The following NLGN1 variants were observed in gnomAD, a reference collection of about 807,000 sequenced individuals.
The protein encoded by NLGN1 is neuroligin-1.
In NLGN1, 12 loss-of-function variants were observed where a neutral mutation model predicts 65.5. The observed-to-expected ratio is 0.18, with a 90% CI of 0.12 to 0.30. NLGN1 has a LOEUF of 0.30. Among genes scored for constraint, NLGN1 ranks in the 10% least tolerant of loss-of-function variants. The pLI, the probability that NLGN1 is intolerant of heterozygous loss-of-function variation, is 1.00. For synonymous variants in NLGN1, 350 were observed against 359.5 expected (o/e 0.97, Z 0.30); for missense variants, 750 against 1,007.1 (o/e 0.74, Z 3.46).
intron 3 of NLGN1, 125 bp downstream of exon 3, chr3:173,605,718 G>A (rs10513714): frequency 0.11 from 47,504 of 433,882 alleles, 2,934 homozygotes; most frequent in Middle Eastern, 0.22. Context: ...GGAATCTGAT[G>A]AAGGCTGTCA....
At chr3:173,804,806 C>A (rs965969136) in intron 3 of NLGN1, among the ~76,000 whole-genome samples, 15 of 152,188 alleles carry the variant, frequency 9.9e-5, no homozygotes, top group Admixed American at 7.2e-4. Context: ...GAGGGCAGAT[C>A]ACCTGAGGTC....
At chr3:173,540,869 T>C (rs1196551546) in intron 2 of NLGN1, among the ~76,000 whole-genome samples, 1 of 152,240 alleles carries the variant, frequency 6.6e-6, no homozygotes, top group Non-Finnish European at 1.5e-5. Context: ...ATGTATCTAT[T>C]CCTGCTATAT....
intron 4 of NLGN1, among the ~76,000 whole-genome samples, chr3:174,104,905 T>C (rs1209693567): frequency 1.3e-5 from 2 of 152,090 alleles, no homozygotes; most frequent in African/African-American, 2.4e-5. Context: ...AGTTTAGACA[T>C]TATTCTGGGG....
chr3:174,029,830 A>G (rs775742512), intron 4 of NLGN1, among the ~76,000 whole-genome samples: 19 of 152,296 alleles, frequency 1.2e-4, no homozygotes, highest in Admixed American at 2.6e-4. Context: ...GTTCCCCTGC[A>G]CAAGCTATCT....
chr3:173,831,068 C>T (rs1453366077), intron 4 of NLGN1, among the ~76,000 whole-genome samples: 4 of 152,146 alleles, frequency 2.6e-5, no homozygotes, highest in Non-Finnish European at 5.9e-5. Flanking sequence ...AATATTTTCA[C>T]TTAACATCAT....
intron 4 of NLGN1, among the ~76,000 whole-genome samples, chr3:174,041,067 C>G (rs1732196434): frequency 6.6e-6 from 1 of 151,998 alleles, no homozygotes; most frequent in Non-Finnish European, 1.5e-5. Flanking sequence ...TTGAAAAATA[C>G]AAACATACCT....
intron 2 of NLGN1, among the ~76,000 whole-genome samples, chr3:173,551,057 A>T (rs1446891626): frequency 2.0e-5 from 3 of 152,174 alleles, no homozygotes; most frequent in African/African-American, 7.2e-5. Context: ...GAGAAAGCTC[A>T]TTCTGGTTCT....
At chr3:173,514,088 G>A (rs1192286417) in intron 2 of NLGN1, among the ~76,000 whole-genome samples, 1 of 152,060 alleles carries the variant, frequency 6.6e-6, no homozygotes, top group Non-Finnish European at 1.5e-5. Flanking sequence ...AAAACATACT[G>A]ACTGCACACA....
intron 4 of NLGN1, among the ~76,000 whole-genome samples, chr3:174,212,948 C>A (rs147631958): frequency 6.6e-6 from 1 of 152,176 alleles, no homozygotes; most frequent in East Asian, 1.9e-4. Flanking sequence ...TTCTCTTCTG[C>A]CTTTCTCTTT....
intron 3 of NLGN1, among the ~76,000 whole-genome samples, chr3:173,766,060 AC>A (rs1295618535): frequency 6.6e-5 from 10 of 150,666 alleles, no homozygotes; most frequent in Non-Finnish European, 1.2e-4. Flanking sequence ...GCACGAAAAC[AC>A]CTAGAATCTT....
At chr3:173,827,316 T>C (rs1721536784) in intron 4 of NLGN1, among the ~76,000 whole-genome samples, 1 of 152,032 alleles carries the variant, frequency 6.6e-6, no homozygotes, top group African/African-American at 2.4e-5. Context: ...TGAAGAGATA[T>C]AAATAAACAT....
intron 2 of NLGN1, among the ~76,000 whole-genome samples, chr3:173,535,638 A>G (rs1450684781): frequency 2.0e-5 from 3 of 152,206 alleles, no homozygotes; most frequent in Admixed American, 6.5e-5. Flanking sequence ...TCAAACTAGT[A>G]TAAACAGTGA....
intron 3 of NLGN1, among the ~76,000 whole-genome samples, chr3:173,732,811 T>C (rs1243432844): frequency 6.6e-6 from 1 of 152,104 alleles, no homozygotes; most frequent in Non-Finnish European, 1.5e-5. Flanking sequence ...TATTAGTAGA[T>C]GTTTATTTAG....
chr3:173,953,517 TTTTA>T (rs1043170283), intron 4 of NLGN1, among the ~76,000 whole-genome samples: 4 of 152,032 alleles, frequency 2.6e-5, no homozygotes, highest in Admixed American at 1.3e-4. Flanking sequence ...CCTGAGGCCA[TTTTA>T]TTTATTTATT....
intron 3 of NLGN1, among the ~76,000 whole-genome samples, chr3:173,673,395 C>T (rs1156741432): frequency 1.3e-5 from 2 of 152,034 alleles, no homozygotes; most frequent in African/African-American, 2.4e-5. Flanking sequence ...TGCATTTATT[C>T]TGAAATCAGT....
At chr3:174,285,776 A>C (rs1208681750) in exon 7 of NLGN1, 2 of 151,470 alleles carry the variant, frequency 1.3e-5, no homozygotes, top group Non-Finnish European at 3.0e-5. Context: ...TTTCCTCCTG[A>C]GATTTTATTT....
At chr3:173,516,474 A>G (rs1385769744) in intron 2 of NLGN1, among the ~76,000 whole-genome samples, 1 of 152,032 alleles carries the variant, frequency 6.6e-6, no homozygotes, top group African/African-American at 2.4e-5. Flanking sequence ...AGCTAATGGT[A>G]TATCACTCCT....
intron 2 of NLGN1, among the ~76,000 whole-genome samples, chr3:173,513,059 G>C (rs1733242123): frequency 6.6e-6 from 1 of 152,290 alleles, no homozygotes; most frequent in East Asian, 1.9e-4. Flanking sequence ...GAAAACTAGA[G>C]GAAGCTGGAG....
intron 4 of NLGN1, among the ~76,000 whole-genome samples, chr3:173,832,146 T>G (rs946707612): frequency 6.7e-6 from 1 of 149,442 alleles, no homozygotes; most frequent in African/African-American, 2.5e-5. Flanking sequence ...AAAAAAACTG[T>G]AGAGACAGGG....
Sources: allele counts gnomAD v4.1 joint callset (sites outside exome capture counted in the v4.1 genomes callset), GRCh38; gene constraint gnomAD v4.1.1; transcripts MANE v1.5; gene names NCBI Gene and HGNC (gene_info 2026-07-23, HGNC 2026-07-21).